The following APPBP2 variants were observed in gnomAD, a reference collection of about 807,000 sequenced individuals.
The protein encoded by APPBP2 is amyloid protein-binding protein 2.
Under a neutral mutation model 76.0 loss-of-function variants are expected in APPBP2, and 15 were observed. The observed-to-expected ratio is 0.20, with a 90% CI of 0.13 to 0.30. The LOEUF (loss-of-function observed/expected upper bound fraction) is 0.30, where lower values mean the gene tolerates loss of function less well. Ranked by LOEUF, APPBP2 falls within the 10% of genes least tolerant of loss-of-function variation. APPBP2 has a pLI of 1.00. For synonymous variants in APPBP2, 222 were observed against 242.2 expected, an observed-to-expected ratio of 0.92 and a Z score of 0.77; for missense variants, 401 against 687.2, an observed-to-expected ratio of 0.58 and a Z score of 4.66.
chr17:60,510,721 A>G (rs190098451), intron 1 of APPBP2, among the ~76,000 whole-genome samples: 261 of 151,870 alleles, frequency 1.7e-3, no homozygotes, highest in African/African-American at 5.1e-3. Flanking sequence ...GTTTCTGGGG[A>G]AAAAAAAATC....
In APPBP2 at chr17:60,444,308, CAT is replaced by C. The variant is rs1012925822; in HGVS notation, c.*3271_*3272del. ...GCAAGGCTACAAATTCTAGGGAAAA[CAT>C]AAAAAGTGGCAGTTAATGATACCTG... On this transcript the variant is annotated 3_prime_UTR_variant, in exon 13 of 13. Transcript: ENST00000083182. 3.3e-5 allele frequency: 5 copies of C among 152,278 alleles called. No individual in the cohort carries two copies. Among genetic ancestry groups the C allele is most frequent in the African/African-American group, 1.2e-4 (5 of 41,348 alleles). 9.4% of individuals were successfully genotyped at this position (152,278 alleles called of 1,614,324 possible). A position where few individuals can be genotyped will look rare whatever the true frequency, so the allele number is the denominator to read the frequency against.
rs73328410 is a variant in APPBP2 at position 60,478,172 on chromosome 17, C to T, written c.503+976G>A. ...AATTGATTGGACTTTAGTTACCTTACGATAAAGAATTTCTGCTGTTTAATT... is the reference window on the plus strand; with the variant it reads ...AATTGATTGGACTTTAGTTACCTTATGATAAAGAATTTCTGCTGTTTAATT... On this transcript the variant is annotated intron_variant, in intron 4 of 12. Coordinates refer to ENST00000083182, the MANE Select transcript of APPBP2 (RefSeq NM_006380.5). 2.8e-3 allele frequency among the ~76,000 whole-genome samples: 423 copies of T among 151,858 alleles called. 2 individuals carry two copies. Among genetic ancestry groups the T allele is most frequent in the African/African-American group, 9.5e-3 (391 of 41,356 alleles).
At chr17:60,517,260 G>C (rs1300295077) in intron 1 of APPBP2, among the ~76,000 whole-genome samples, 2 of 152,154 alleles carry the variant, frequency 1.3e-5, no homozygotes, top group African/African-American at 4.8e-5. Flanking sequence ...ACAGGCGTGA[G>C]CCACCATGTT....
At chr17:60,523,259 T>C (rs1452804422) in intron 1 of APPBP2, among the ~76,000 whole-genome samples, 1 of 152,078 alleles carries the variant, frequency 6.6e-6, no homozygotes, top group Non-Finnish European at 1.5e-5. Context: ...CTTATATTTA[T>C]GTGTGCAGTT....
intron 1 of APPBP2, among the ~76,000 whole-genome samples, chr17:60,524,610 GAAA>G (rs35185909): frequency 0.017 from 839 of 49,724 alleles, 4 homozygotes; most frequent in African/African-American, 0.037. Flanking sequence ...TGCTAATTCT[GAAA>G]AAAAAAAAAA....
chr17:60,451,856 A>C (rs1216644366), intron 12 of APPBP2, 24 bp downstream of exon 12: 6 of 1,579,804 alleles, frequency 3.8e-6, no homozygotes, highest in Non-Finnish European at 5.2e-6. Context: ...TCAACTGACT[A>C]AAGAAAATTT....
chr17:60,464,580 C>T (rs2090497629), intron 5 of APPBP2, among the ~76,000 whole-genome samples: 1 of 152,176 alleles, frequency 6.6e-6, no homozygotes. Flanking sequence ...ATTTTATGTG[C>T]ATTAACACAT....
intron 6 of APPBP2, 100 bp downstream of exon 6, chr17:60,463,921 G>A (rs996522281): frequency 2.6e-6 from 2 of 772,346 alleles, no homozygotes; most frequent in South Asian, 2.1e-5. Flanking sequence ...TGCCTACGGA[G>A]TGTACAAATA....
intron 1 of APPBP2, among the ~76,000 whole-genome samples, chr17:60,517,194 C>T (rs989093887): frequency 5.9e-5 from 9 of 152,120 alleles, no homozygotes; most frequent in Non-Finnish European, 1.2e-4. Flanking sequence ...CCAGGCTGGT[C>T]TTGAACTCCT....
chr17:60,500,626 C>A, intron 1 of APPBP2, 139 bp from the exon 2 acceptor site: 1 of 671,604 alleles, frequency 1.5e-6, no homozygotes, highest in Non-Finnish European at 2.6e-6. Context: ...CAAATTTCTA[C>A]AATTCATATA....
intron 1 of APPBP2, among the ~76,000 whole-genome samples, chr17:60,510,474 C>G (rs970102676): frequency 1.3e-5 from 2 of 151,980 alleles, no homozygotes; most frequent in Non-Finnish European, 2.9e-5. Context: ...GTAATCCCAG[C>G]ACTCTGGGAG....
intron 1 of APPBP2, among the ~76,000 whole-genome samples, chr17:60,513,994 C>T (rs1213055400): frequency 7.7e-6 from 1 of 129,072 alleles, no homozygotes; most frequent in African/African-American, 3.3e-5. Flanking sequence ...ATTTTCCCCA[C>T]ATTAAAAAAA....
chr17:60,449,825 T>C (rs1484085291), intron 12 of APPBP2, among the ~76,000 whole-genome samples: 1 of 152,076 alleles, frequency 6.6e-6, no homozygotes, highest in Non-Finnish European at 1.5e-5. Flanking sequence ...GGAGACGTAG[T>C]CTTGCTCCGT....
chr17:60,459,163 T>A (rs1171655123), intron 9 of APPBP2, among the ~76,000 whole-genome samples: 1 of 152,160 alleles, frequency 6.6e-6, no homozygotes, highest in East Asian at 1.9e-4. Context: ...TGTTTTGTAA[T>A]TTTTAATGGT....
chr17:60,493,729 T>TCC (rs10682857), intron 3 of APPBP2, among the ~76,000 whole-genome samples: 12,304 of 149,644 alleles, frequency 0.082, 1,661 homozygotes, highest in African/African-American at 0.29. Flanking sequence ...AACCTCCACC[T>TCC]CCCAAGTTCA....
Position 60,494,529 on chromosome 17 carries a change from A to C in APPBP2, c.316T>G (p.Ser106Ala), listed in dbSNP as rs1349894001. 3.1e-6 allele frequency: 5 copies of C among 1,612,498 alleles called. No individual in the cohort carries two copies. Among genetic ancestry groups the C allele is most frequent in the Non-Finnish European group, 4.2e-6 (5 of 1,179,808 alleles). The change falls in exon 3 of 13, where the codon TCT (serine) becomes GCT (alanine). Residue 106 changes from serine (S) to alanine (A), a missense_variant. Physicochemically the swap from Ser to Ala is moderately conservative, Grantham distance 99. Coordinates refer to ENST00000083182, the MANE Select transcript of APPBP2 (RefSeq NM_006380.5). ...GCAGCATCTGATTCTGCTATATAAGAGCACCGCCTACTGAATGAGTAGGCC... is the reference window on the plus strand; with the variant it reads ...GCAGCATCTGATTCTGCTATATAAGCGCACCGCCTACTGAATGAGTAGGCC... Reference protein sequence around the residue: ...VLAYSFSRRCSYIAESDAAVK... With the variant: ...VLAYSFSRRCAYIAESDAAVK...
intron 11 of APPBP2, 127 bp downstream of exon 11, chr17:60,454,175 T>C: frequency 1.4e-6 from 1 of 694,352 alleles, no homozygotes; most frequent in Non-Finnish European, 2.2e-6. Context: ...TGTTGTTTTA[T>C]ACTCACTATC....
Position 60,461,762 on chromosome 17 carries a change from A to G in APPBP2, c.936+48T>C, listed in dbSNP as rs772511047. ...TATACACCACAAACAAATACAGGTC[A>G]GCAAGTCAATACAGGTTGAAAGAAA... On this transcript the variant is annotated intron_variant, in intron 8 of 12. Coordinates refer to ENST00000083182, the MANE Select transcript of APPBP2 (RefSeq NM_006380.5). 2.2e-6 allele frequency: 3 copies of G among 1,383,100 alleles called. No homozygotes were observed. The East Asian group carries it at 6.9e-5, about 32-fold the overall frequency. 85.7% of individuals were successfully genotyped at this position (1,383,100 alleles called of 1,614,324 possible). A position where few individuals can be genotyped will look rare whatever the true frequency, so the allele number is the denominator to read the frequency against.
intron 5 of APPBP2, among the ~76,000 whole-genome samples, 193 bp from the exon 6 acceptor site, chr17:60,464,303 T>C (rs111578584): frequency 7.9e-4 from 121 of 152,366 alleles, no homozygotes; most frequent in African/African-American, 2.6e-3. Context: ...TTAATATCTA[T>C]AGCTTATCTG....
Sources: allele counts gnomAD v4.1 joint callset (sites outside exome capture counted in the v4.1 genomes callset), GRCh38; gene constraint gnomAD v4.1.1; transcripts MANE v1.5; gene names NCBI Gene and HGNC (gene_info 2026-07-23, HGNC 2026-07-21).